Variants in JAKMIP1 observed in about 807,000 individuals in gnomAD.
JAKMIP1 encodes janus kinase and microtubule interacting protein 1, also known as janus kinase and microtubule-interacting protein 1.
Under a neutral mutation model 113.0 loss-of-function variants are expected in JAKMIP1, and 33 were observed. The observed-to-expected ratio is 0.29, with a 90% CI of 0.22 to 0.39. JAKMIP1 has a LOEUF of 0.39. Among genes scored for constraint, JAKMIP1 ranks in the 10% least tolerant of loss-of-function variants. The pLI is 1.00. For missense variants in JAKMIP1, 813 were observed against 1,080.5 expected (o/e 0.75, Z 3.47); for synonymous variants, 480 against 459.9 (o/e 1.04, Z -0.56).
rs761076829 is a variant in JAKMIP1, at chr4:6,081,795, C to T, written c.955-40G>A. 1.5e-5 allele frequency: 24 copies of T among 1,612,456 alleles called. No individual in the cohort carries two copies. The highest frequency in any genetic ancestry group is 1.7e-4 in the Middle Eastern group (1 of 6,052). On this transcript the variant is annotated intron_variant, in intron 5 of 20. Coordinates refer to ENST00000409021, the MANE Select transcript of JAKMIP1 (RefSeq NM_001099433.2). This position sits in a 1 kb window ranked among gnomAD's most constrained non-coding sequence, Gnocchi z 4.6. Reference sequence around the variant, plus strand: ...AGACACAGAGGCTCAGACAACTTGACGACGGACGGCCGAGGTCACAGCACC... The same window carrying T: ...AGACACAGAGGCTCAGACAACTTGATGACGGACGGCCGAGGTCACAGCACC...
Position 6,150,138 on chromosome 4 carries a change from C to G in JAKMIP1, c.-147-37141G>C, listed in dbSNP as rs1035942981. On this transcript the variant is annotated intron_variant, in intron 1 of 20. Coordinates refer to ENST00000409021, the MANE Select transcript of JAKMIP1 (RefSeq NM_001099433.2). The surrounding 1 kb of genome is among the most constrained non-coding windows in gnomAD (Gnocchi z 4.8). ...AAAGTGAATGATACAGGTAGTGCCC[C>G]CTTCGGCTACTTCCCCACAGCACAG... Among the ~76,000 whole-genome samples the G allele has an allele frequency of 1.3e-5, 2 of 152,182 alleles. No individual in the cohort carries two copies. Among genetic ancestry groups the G allele is most frequent in the African/African-American group, 4.8e-5 (2 of 41,424 alleles).
chr4:6,039,159 G>C lies in JAKMIP1; in HGVS notation c.2175+1480C>G, dbSNP rs539110984. On this transcript the variant is annotated intron_variant, in intron 18 of 20. Coordinates refer to ENST00000409021, the MANE Select transcript of JAKMIP1 (RefSeq NM_001099433.2). ...GTATGGTGGCAGAACCAGCATGCAG[G>C]GGCCTCTTCTGCAGATTCAGCATTC... Among the ~76,000 whole-genome samples, 5 of 152,298 alleles carry C rather than the reference G, an allele frequency of 3.3e-5. No homozygotes were observed. The South Asian group carries it at 8.3e-4, about 25-fold the overall frequency.
At chr4:6,035,284 G>T (rs551611579) in intron 19 of JAKMIP1, among the ~76,000 whole-genome samples, 23 of 152,062 alleles carry the variant, frequency 1.5e-4, no homozygotes, top group Non-Finnish European at 2.4e-4. Flanking sequence ...GAAAATGGAC[G>T]TCATAGTGCC....
intron 1 of JAKMIP1, among the ~76,000 whole-genome samples, chr4:6,127,598 G>A (rs1235647788): frequency 6.6e-6 from 1 of 152,188 alleles, no homozygotes; most frequent in Non-Finnish European, 1.5e-5. Context: ...AGGCTGGGAG[G>A]TGGCCCCGCA....
Position 6,142,115 on chromosome 4 carries a change from T to C in JAKMIP1, c.-147-29118A>G, listed in dbSNP as rs979903397. On this transcript the variant is annotated intron_variant, in intron 1 of 20. Transcript: ENST00000409021. This position sits in a 1 kb window ranked among gnomAD's most constrained non-coding sequence, Gnocchi z 5.5. ...CATTTTCTAGCTTGTCTTTTCCTCT[T>C]CATATCATGAAATAAGAATTTTCCA... 2.0e-5 allele frequency among the ~76,000 whole-genome samples: 3 copies of C among 151,962 alleles called. No homozygotes were observed. Among genetic ancestry groups the C allele is most frequent in the Admixed American group, 6.6e-5 (1 of 15,256 alleles).
chr4:6,062,571 T>A, intron 9 of JAKMIP1, 131 bp from the exon 10 acceptor site: 23 of 945,942 alleles, frequency 2.4e-5, no homozygotes, highest in Middle Eastern at 3.4e-4. Context: ...AACTTAGACA[T>A]CAAACGACCA....
chr4:6,095,089 A>C, intron 3 of JAKMIP1, among the ~76,000 whole-genome samples: 1 of 99,614 alleles, frequency 1.0e-5, no homozygotes, highest in African/African-American at 3.9e-5. Context: ...GGAGTGGGGG[A>C]GGGAGGAAGG....
chr4:6,164,342 T>C (rs561457698), intron 1 of JAKMIP1, among the ~76,000 whole-genome samples: 3 of 152,240 alleles, frequency 2.0e-5, no homozygotes, highest in African/African-American at 7.2e-5. Flanking sequence ...TGTAGCATGG[T>C]TCACTGAATA....
At position 6,106,666 on chromosome 4, in the gene JAKMIP1, C is replaced by A. The variant is rs181763698; in HGVS notation, c.130-699G>T. Among the ~76,000 whole-genome samples, 27 of 152,316 alleles carry A rather than the reference C, an allele frequency of 1.8e-4. No individual in the cohort carries two copies. The highest frequency in any genetic ancestry group is 3.4e-4 in the Non-Finnish European group (23 of 68,018). On this transcript the variant is annotated intron_variant, in intron 2 of 20. Coordinates refer to ENST00000409021, the MANE Select transcript of JAKMIP1 (RefSeq NM_001099433.2). The surrounding 1 kb of genome is among the most constrained non-coding windows in gnomAD (Gnocchi z 5.9). ...CCCTGTGCTACCAGGCAACCCACCC[C>A]GCCTTGAGCCTATTCATTTTATCAG...
chr4:6,105,416 A>G, intron 3 of JAKMIP1, 57 bp downstream of exon 3: 2 of 1,477,380 alleles, frequency 1.4e-6, no homozygotes, highest in Non-Finnish European at 1.8e-6. Flanking sequence ...CATTTCCCCC[A>G]TGCGTGCAGG....
intron 2 of JAKMIP1, among the ~76,000 whole-genome samples, chr4:6,111,020 C>T (rs1034669340): frequency 3.9e-5 from 6 of 152,106 alleles, no homozygotes; most frequent in African/African-American, 1.2e-4. Context: ...GAATCTTGAA[C>T]ACCTAGGGAT....
Position 6,153,359 on chromosome 4 carries a change from G to A in JAKMIP1, c.-147-40362C>T, listed in dbSNP as rs916978770. On this transcript the variant is annotated intron_variant, in intron 1 of 20. Coordinates refer to ENST00000409021, the MANE Select transcript of JAKMIP1 (RefSeq NM_001099433.2). The surrounding 1 kb of genome is among the most constrained non-coding windows in gnomAD (Gnocchi z 4.9). ...GAAGAGGAGCCACGCTGAGCATCAGGAGCCCTGGGATTTGAAGCCCCTTCT... is the reference window on the plus strand; with the variant it reads ...GAAGAGGAGCCACGCTGAGCATCAGAAGCCCTGGGATTTGAAGCCCCTTCT... Among the ~76,000 whole-genome samples the A allele has an allele frequency of 4.6e-5, 7 of 152,304 alleles. No homozygotes were observed. The South Asian group carries it at 1.5e-3, about 32-fold the overall frequency.
At chr4:6,121,380 G>A (rs1417322410) in intron 1 of JAKMIP1, among the ~76,000 whole-genome samples, 5 of 152,114 alleles carry the variant, frequency 3.3e-5, no homozygotes, top group African/African-American at 4.8e-5. Flanking sequence ...GTTCAGGCCC[G>A]GAACAACGTG....
intron 19 of JAKMIP1, among the ~76,000 whole-genome samples, chr4:6,033,107 G>T (rs1246440714): frequency 1.3e-5 from 2 of 152,220 alleles, no homozygotes; most frequent in African/African-American, 4.8e-5. Flanking sequence ...ATTCCGCTGG[G>T]AAAGGTGCCA....
At chr4:6,198,685 TACA>T (rs1728102833) in intron 1 of JAKMIP1, among the ~76,000 whole-genome samples, 1 of 152,220 alleles carries the variant, frequency 6.6e-6, no homozygotes, top group South Asian at 2.1e-4. Flanking sequence ...CACTGTGCGC[TACA>T]ACATCAGTCT....
At position 6,062,413 on chromosome 4, in the gene JAKMIP1, G is replaced by A. The variant is rs774810031; in HGVS notation, c.1459C>T (p.Arg487Cys). Reference protein sequence around the residue: ...DATAREEADLRFCQLTREYQA... With the variant: ...DATAREEADLCFCQLTREYQA... ...TACTCCCGGGTCAGCTGGCAGAAGC[G>A]CAGGTCAGCCTCCTCTCGGGCTGTG... The change falls in exon 10 of 21, where the codon CGC (arginine) becomes TGC (cysteine). Residue 487 changes from arginine to cysteine, a missense_variant. Transcript: ENST00000409021. 6.8e-6 allele frequency: 11 copies of A among 1,613,758 alleles called. No homozygotes were observed. Among genetic ancestry groups the A allele is most frequent in the South Asian group, 3.3e-5 (3 of 91,086 alleles).
chr4:6,137,598 C>T lies in JAKMIP1; in HGVS notation c.-147-24601G>A, dbSNP rs1262732494. 6.6e-6 allele frequency among the ~76,000 whole-genome samples: 1 copy of T among 152,240 alleles called. No individual in the cohort carries two copies. The highest frequency in any genetic ancestry group is 1.5e-5 in the Non-Finnish European group (1 of 68,050). ...GACGCTCTTTTTCAGCCAATCCACA[C>T]TCTCTCCGCACCTGGAGGCAATGAC... On this transcript the variant is annotated intron_variant, in intron 1 of 20. Coordinates refer to ENST00000409021, the MANE Select transcript of JAKMIP1 (RefSeq NM_001099433.2). The surrounding 1 kb of genome is among the most constrained non-coding windows in gnomAD (Gnocchi z 4.5).
At chr4:6,111,149 C>T (rs141090141) in intron 2 of JAKMIP1, among the ~76,000 whole-genome samples, 7 of 152,280 alleles carry the variant, frequency 4.6e-5, no homozygotes, top group African/African-American at 1.2e-4. Flanking sequence ...GCCCCAGCCC[C>T]GTCCCCACCT....
chr4:6,049,279 G>A lies in JAKMIP1; in HGVS notation c.1963-357C>T, dbSNP rs1388951245. Among the ~76,000 whole-genome samples, 6 of 152,118 alleles carry A rather than the reference G, an allele frequency of 3.9e-5. No individual in the cohort carries two copies. Among genetic ancestry groups the A allele is most frequent in the Admixed American group, 1.3e-4 (2 of 15,278 alleles). ...TCGAACTCCTGACCTCAGGTGATCCGCCAGCCTCAGCCTTCCAAAGTGCTG... is the reference window on the plus strand; with the variant it reads ...TCGAACTCCTGACCTCAGGTGATCCACCAGCCTCAGCCTTCCAAAGTGCTG... On this transcript the variant is annotated intron_variant, in intron 15 of 20. Coordinates refer to ENST00000409021, the MANE Select transcript of JAKMIP1 (RefSeq NM_001099433.2). This position sits in a 1 kb window ranked among gnomAD's most constrained non-coding sequence, Gnocchi z 7.0.
Sources: allele counts gnomAD v4.1 joint callset (sites outside exome capture counted in the v4.1 genomes callset), GRCh38; gene constraint gnomAD v4.1.1; non-coding constraint Gnocchi (gnomAD v3.1); transcripts MANE v1.5; gene names NCBI Gene and HGNC (gene_info 2026-07-23, HGNC 2026-07-21).